KANK1: variants seen among roughly 807,000 people sequenced by gnomAD.
KANK1 encodes KN motif and ankyrin repeat domains 1.
In KANK1, 109 loss-of-function variants were observed where a neutral mutation model predicts 106.2. The observed-to-expected ratio is 1.03, with a 90% CI of 0.88 to 1.20. The LOEUF is 1.20. KANK1 is among the 50% of genes most tolerant of loss of function. KANK1 has a pLI of 0.00. For missense variants in KANK1, 2,399 were observed against 1,710.7 expected (o/e 1.40, Z -7.10); for synonymous variants, 873 against 652.2 (o/e 1.34, Z -5.16).
intron 1 of KANK1, among the ~76,000 whole-genome samples, chr9:637,992 A>G (rs778293698): frequency 6.6e-6 from 1 of 152,080 alleles, no homozygotes; most frequent in Non-Finnish European, 1.5e-5. Flanking sequence ...CTTCAGACTC[A>G]CTCTGCATGG....
At chr9:556,243 A>G (rs1313669422) in intron 1 of KANK1, among the ~76,000 whole-genome samples, 1 of 152,154 alleles carries the variant, frequency 6.6e-6, no homozygotes, top group African/African-American at 2.4e-5. Context: ...ATCTTGGTTA[A>G]TTTTCTTTTT....
At chr9:498,973 C>G (rs1030576989) in intron 3 of KANK1, among the ~76,000 whole-genome samples, 7 of 152,026 alleles carry the variant, frequency 4.6e-5, no homozygotes, top group Admixed American at 3.3e-4. Flanking sequence ...GTCAGGAGAT[C>G]AAGACCATCC....
At chr9:669,361 T>G (rs536951154) in intron 1 of KANK1, among the ~76,000 whole-genome samples, 27 of 152,230 alleles carry the variant, frequency 1.8e-4, no homozygotes, top group Non-Finnish European at 3.1e-4. Flanking sequence ...CATTTCAGAT[T>G]GAAGAACCAT....
At chr9:741,621 G>A (rs560474875) in intron 9 of KANK1, among the ~76,000 whole-genome samples, 99 of 151,686 alleles carry the variant, frequency 6.5e-4, no homozygotes, top group African/African-American at 2.3e-3. Flanking sequence ...CCAAGTAGCT[G>A]GGACTACAGG....
chr9:530,171 G>T (rs10122162), intron 1 of KANK1, among the ~76,000 whole-genome samples: 3 of 152,122 alleles, frequency 2.0e-5, no homozygotes, highest in Non-Finnish European at 4.4e-5. Flanking sequence ...ATAAGAATTG[G>T]AGTTGTTTGC....
At chr9:740,425 C>CTGCTTCACTTTCCTAA (rs1835110293) in intron 8 of KANK1, among the ~76,000 whole-genome samples, 1 of 152,192 alleles carries the variant, frequency 6.6e-6, no homozygotes, top group African/African-American at 2.4e-5. Flanking sequence ...AGCTCACTAC[C>CTGCTTCACTTTCCTAA]TGCTTCACTT....
At chr9:702,980 G>A (rs1038477133) in intron 2 of KANK1, among the ~76,000 whole-genome samples, 1 of 151,976 alleles carries the variant, frequency 6.6e-6, no homozygotes, top group East Asian at 1.9e-4. Context: ...TTTGGAGTGG[G>A]GGCGGGGTTG....
At chr9:574,780 C>T (rs1294928793) in intron 1 of KANK1, among the ~76,000 whole-genome samples, 3 of 146,224 alleles carry the variant, frequency 2.1e-5, no homozygotes, top group Admixed American at 7.0e-5. Context: ...GCTGACCCTG[C>T]GAGGTGGGAG....
chr9:471,788 G>A (rs999937606), intron 2 of KANK1, among the ~76,000 whole-genome samples: 4 of 152,092 alleles, frequency 2.6e-5, no homozygotes, highest in African/African-American at 7.2e-5. Context: ...TAGCTACTTC[G>A]GAGGCTGAGG....
At chr9:548,275 C>T (rs1309228498) in intron 1 of KANK1, among the ~76,000 whole-genome samples, 1 of 152,172 alleles carries the variant, frequency 6.6e-6, no homozygotes, top group Non-Finnish European at 1.5e-5. Context: ...ATTTTTCTCA[C>T]TTCAAAAGAT....
chr9:603,688 C>T (rs1251964760), intron 1 of KANK1, among the ~76,000 whole-genome samples: 2 of 151,622 alleles, frequency 1.3e-5, no homozygotes, highest in African/African-American at 4.9e-5. Flanking sequence ...GGCATGGTGG[C>T]TTTACACCTG....
chr9:633,283 C>G (rs1836235982), intron 1 of KANK1, among the ~76,000 whole-genome samples: 3 of 151,914 alleles, frequency 2.0e-5, no homozygotes, highest in Admixed American at 2.0e-4. Context: ...GGTGAAATCG[C>G]ATCTCTACTA....
At position 631,822 on chromosome 9, in the gene KANK1, T is replaced by G. The variant is rs1408103958; in HGVS notation, c.-83-45068T>G. Among the ~76,000 whole-genome samples the G allele has an allele frequency of 2.6e-5, 4 of 152,220 alleles. No individual in the cohort carries two copies. In the East Asian group the frequency reaches 7.7e-4, roughly 29 times the overall value. On this transcript the variant is annotated intron_variant, in intron 1 of 11. Coordinates refer to ENST00000382297, the MANE Select transcript of KANK1 (RefSeq NM_015158.5). Reference sequence around the variant, plus strand: ...CTTTGAAGACTGTACTTCCTCCCCTTTGGGGCCAATTTAGTCATCTTTAAG... The same window carrying G: ...CTTTGAAGACTGTACTTCCTCCCCTGTGGGGCCAATTTAGTCATCTTTAAG...
chr9:534,036 T>A (rs1476953346), intron 1 of KANK1, among the ~76,000 whole-genome samples: 2 of 152,180 alleles, frequency 1.3e-5, no homozygotes, highest in East Asian at 3.8e-4. Context: ...TTCACAGGGA[T>A]GAACAGAAGC....
chr9:589,818 G>A (rs1296901422), intron 1 of KANK1, among the ~76,000 whole-genome samples: 2 of 152,172 alleles, frequency 1.3e-5, no homozygotes, highest in African/African-American at 2.4e-5. Flanking sequence ...ACCATTTAGA[G>A]TATCTGTGTG....
rs147575347 is a variant in KANK1, at chr9:611,103, C to G, written c.-83-65787C>G. Among the ~76,000 whole-genome samples the G allele has an allele frequency of 5.4e-3, 824 of 152,250 alleles. 5 individuals are homozygous for G. The highest frequency in any genetic ancestry group is 0.019 in the African/African-American group (777 of 41,536). ...ATCACTCCACCTGCCAGCCCTATCTCCATCCCCAAGACCTGAAGGGACGGT... is the reference window on the plus strand; with the variant it reads ...ATCACTCCACCTGCCAGCCCTATCTGCATCCCCAAGACCTGAAGGGACGGT... On this transcript the variant is annotated intron_variant, in intron 1 of 11. Transcript: ENST00000382297.
At chr9:602,333 C>T (rs1176536975) in intron 1 of KANK1, among the ~76,000 whole-genome samples, 1 of 151,664 alleles carries the variant, frequency 6.6e-6, no homozygotes, top group South Asian at 2.1e-4. Context: ...GGTCTTGGCT[C>T]ACTGCAACCT....
rs1472223434 is a variant in KANK1, at chr9:711,456, C to T, written c.690C>T (p.Pro230=). 3 of 1,614,034 alleles carry T rather than the reference C, an allele frequency of 1.9e-6. No homozygotes were observed. The highest frequency in any genetic ancestry group is 1.7e-6 in the Non-Finnish European group (2 of 1,180,040). ...ATGGTAGCTATGCCCCAGCTGCTCC[C>T]ACCACTTCCTCCATGGGGAGCTCCA... is the stretch of plus-strand genomic sequence containing the variant. The part of the protein sequence containing the change: ...GDYGSYAPAA[P]TTSSMGSSIR... Residue 230 remains proline (P), a synonymous_variant, in exon 3 of 12, where the codon CCC becomes CCT. Transcript: ENST00000382297.
chr9:495,383 C>G (rs2058441253), intron 3 of KANK1: 1 of 152,202 alleles, frequency 6.6e-6, no homozygotes, highest in South Asian at 2.1e-4. Context: ...CAATAAAAGA[C>G]TCTTACGTAA....
Sources: allele counts gnomAD v4.1 joint callset (sites outside exome capture counted in the v4.1 genomes callset), GRCh38; gene constraint gnomAD v4.1.1; transcripts MANE v1.5; gene names NCBI Gene and HGNC (gene_info 2026-07-23, HGNC 2026-07-21).